NEK11: variants seen among roughly 807,000 people sequenced by gnomAD.
NEK11 encodes serine/threonine-protein kinase Nek11.
Under a neutral mutation model 80.7 loss-of-function variants are expected in NEK11, and 72 were observed. That is an observed-to-expected ratio of 0.89 (90% CI 0.74 to 1.08). The LOEUF (loss-of-function observed/expected upper bound fraction) is 1.08, where lower values mean the gene tolerates loss of function less well. NEK11 is among the 50% of genes least tolerant of loss of function. The pLI, the probability that NEK11 is intolerant of heterozygous loss-of-function variation, is 0.00. For missense variants in NEK11, 764 were observed against 763.6 expected (o/e 1.00, Z -0.01); for synonymous variants, 251 against 260.7 (o/e 0.96, Z 0.36).
intron 3 of NEK11, among the ~76,000 whole-genome samples, chr3:131,067,328 T>C (rs2072224968): frequency 6.6e-6 from 1 of 152,182 alleles, no homozygotes; most frequent in Admixed American, 6.5e-5. Flanking sequence ...GTTGAGAAGC[T>C]TTTCTTAAGT....
chr3:131,215,271 T>C (rs6807331), intron 14 of NEK11, among the ~76,000 whole-genome samples: 22,151 of 88,480 alleles, frequency 0.25, 2,341 homozygotes, highest in African/African-American at 0.41. Context: ...CGGGGCCTGT[T>C]GTGGGGCGGG....
At chr3:131,029,086 C>T (rs2064390092) in intron 2 of NEK11, among the ~76,000 whole-genome samples, 1 of 152,158 alleles carries the variant, frequency 6.6e-6, no homozygotes, top group Non-Finnish European at 1.5e-5. Flanking sequence ...TCCTTCTTTG[C>T]ATCTGTCCTA....
At chr3:131,060,507 T>G (rs1022877053) in intron 3 of NEK11, among the ~76,000 whole-genome samples, 2 of 152,228 alleles carry the variant, frequency 1.3e-5, no homozygotes, top group Non-Finnish European at 2.9e-5. Flanking sequence ...CTTTCCCAAG[T>G]TTTCCTGATC....
chr3:131,212,318 C>G (rs1354409788), intron 14 of NEK11, among the ~76,000 whole-genome samples: 1 of 152,200 alleles, frequency 6.6e-6, no homozygotes, highest in Non-Finnish European at 1.5e-5. Context: ...GCAAATATTG[C>G]AGAACAGCAA....
intron 16 of NEK11, among the ~76,000 whole-genome samples, chr3:131,266,129 C>G (rs148144083): frequency 6.6e-6 from 1 of 151,986 alleles, no homozygotes; most frequent in Non-Finnish European, 1.5e-5. Flanking sequence ...GTCTGGCTAG[C>G]AGTATATCTA....
chr3:131,092,365 A>G (rs2076862619), intron 4 of NEK11, among the ~76,000 whole-genome samples: 1 of 152,228 alleles, frequency 6.6e-6, no homozygotes, highest in Non-Finnish European at 1.5e-5. Context: ...GATGGTTATC[A>G]GGAGGATAAT....
intron 4 of NEK11, among the ~76,000 whole-genome samples, chr3:131,085,256 G>A (rs758989903): frequency 1.3e-5 from 2 of 152,180 alleles, no homozygotes; most frequent in Admixed American, 6.5e-5. Context: ...GTATGAATAC[G>A]TTGGCAATCT....
At chr3:131,062,062 A>G (rs2070977106) in intron 3 of NEK11, among the ~76,000 whole-genome samples, 1 of 152,268 alleles carries the variant, frequency 6.6e-6, no homozygotes, top group Non-Finnish European at 1.5e-5. Context: ...AGTAAAAAAC[A>G]AACAACAAAT....
intron 16 of NEK11, among the ~76,000 whole-genome samples, chr3:131,253,057 T>C (rs564412344): frequency 6.6e-6 from 1 of 152,228 alleles, no homozygotes; most frequent in Non-Finnish European, 1.5e-5. Context: ...GAAGTGGTAT[T>C]GTATTTCTGC....
At chr3:131,267,441 C>T (rs984826394) in intron 16 of NEK11, among the ~76,000 whole-genome samples, 5 of 152,246 alleles carry the variant, frequency 3.3e-5, no homozygotes, top group Non-Finnish European at 5.9e-5. Flanking sequence ...TTCTCCCTCG[C>T]TTATGAAGCT....
At chr3:131,028,614 T>C (rs1454162060) in intron 2 of NEK11, among the ~76,000 whole-genome samples, 1 of 152,060 alleles carries the variant, frequency 6.6e-6, no homozygotes, top group East Asian at 1.9e-4. Flanking sequence ...TCGCCCAGGC[T>C]GGAGTGCAGT....
At chr3:131,268,581 CTG>C (rs2108599104) in intron 16 of NEK11, among the ~76,000 whole-genome samples, 1 of 152,322 alleles carries the variant, frequency 6.6e-6, no homozygotes, top group East Asian at 1.9e-4. Context: ...CCCTGTTTGC[CTG>C]AGTACCACCA....
At chr3:131,341,261 T>C (rs2097281135) in intron 17 of NEK11, among the ~76,000 whole-genome samples, 1 of 152,254 alleles carries the variant, frequency 6.6e-6, no homozygotes, top group African/African-American at 2.4e-5. Flanking sequence ...AGTTTGTTTA[T>C]GGAATGACTG....
intron 3 of NEK11, among the ~76,000 whole-genome samples, chr3:131,073,728 A>C (rs1246455967): frequency 2.6e-5 from 4 of 152,014 alleles, no homozygotes; most frequent in Admixed American, 2.6e-4. Context: ...AATGGGAGGA[A>C]TTTCCTTTAT....
chr3:131,160,678 G>A (rs1160730614), intron 10 of NEK11, among the ~76,000 whole-genome samples: 1 of 152,134 alleles, frequency 6.6e-6, no homozygotes, highest in Non-Finnish European at 1.5e-5. Flanking sequence ...CTGTCTTTGA[G>A]ACCCATCTCA....
chr3:131,209,053 G>A (rs2094529811), intron 14 of NEK11, among the ~76,000 whole-genome samples: 1 of 152,122 alleles, frequency 6.6e-6, no homozygotes, highest in South Asian at 2.1e-4. Flanking sequence ...AGTTTTCAAA[G>A]GGAATGCTTT....
At chr3:131,227,441 T>C (rs747654470) in intron 14 of NEK11, among the ~76,000 whole-genome samples, 12 of 152,146 alleles carry the variant, frequency 7.9e-5, no homozygotes, top group Non-Finnish European at 1.3e-4. Context: ...ATTACACTTA[T>C]GTTAATTTTA....
chr3:131,194,505 A>G (rs1295429906), intron 14 of NEK11, among the ~76,000 whole-genome samples: 1 of 152,046 alleles, frequency 6.6e-6, no homozygotes, highest in African/African-American at 2.4e-5. Context: ...CCTTACTTCA[A>G]CATTGATAAT....
At chr3:131,169,705 G>A (rs1330045042) in intron 13 of NEK11, among the ~76,000 whole-genome samples, 1 of 152,140 alleles carries the variant, frequency 6.6e-6, no homozygotes, top group Admixed American at 6.5e-5. Flanking sequence ...AGGTAATGGG[G>A]ATCAAAGATC....
Sources: allele counts gnomAD v4.1 joint callset (sites outside exome capture counted in the v4.1 genomes callset), GRCh38; gene constraint gnomAD v4.1.1; transcripts MANE v1.5; gene names NCBI Gene and HGNC (gene_info 2026-07-23, HGNC 2026-07-21).